Variants in DOCK3 observed in about 807,000 individuals in gnomAD.
DOCK3 encodes the protein dedicator of cytokinesis protein 3.
A neutral mutation model predicts 265.6 loss-of-function variants in DOCK3; 60 were observed. The ratio of observed to expected loss-of-function variants is 0.23; its 90% CI spans 0.18 to 0.28. The LOEUF (loss-of-function observed/expected upper bound fraction) is 0.28, where lower values mean the gene tolerates loss of function less well. DOCK3 is among the 10% of genes least tolerant of loss of function. The pLI, the probability that DOCK3 is intolerant of heterozygous loss-of-function variation, is 1.00. For synonymous variants in DOCK3, 881 were observed against 938.0 expected (o/e 0.94, Z 1.11); for missense variants, 1,981 against 2,594.3 (o/e 0.76, Z 5.14).
At chr3:51,248,447 G>A (rs1311605733) in intron 22 of DOCK3, among the ~76,000 whole-genome samples, 5 of 152,298 alleles carry the variant, frequency 3.3e-5, no homozygotes, top group Middle Eastern at 3.4e-3. Context: ...CACCAGCCTC[G>A]GCCTCCTGAG....
At chr3:51,334,737 T>A (rs2084752497) in intron 35 of DOCK3, among the ~76,000 whole-genome samples, 1 of 152,118 alleles carries the variant, frequency 6.6e-6, no homozygotes, top group African/African-American at 2.4e-5. Context: ...CCTCCCCCTT[T>A]CCAAAACATT....
At chr3:51,067,427 T>TTGTGTGTGTG (rs60551624) in intron 6 of DOCK3, among the ~76,000 whole-genome samples, 44,932 of 143,954 alleles carry the variant, frequency 0.31, 7,781 homozygotes, top group South Asian at 0.49. Flanking sequence ...TGAAATATGT[T>TTGTGTGTGTG]TGTGTGTGTG....
intron 27 of DOCK3, among the ~76,000 whole-genome samples, chr3:51,298,583 C>T (rs2082222648): frequency 6.6e-6 from 1 of 152,104 alleles, no homozygotes. Context: ...ATCCCCAACG[C>T]CCCAGTCTAT....
At chr3:51,197,998 C>A (rs1271602779) in intron 12 of DOCK3, among the ~76,000 whole-genome samples, 1 of 152,216 alleles carries the variant, frequency 6.6e-6, no homozygotes, top group Non-Finnish European at 1.5e-5. Context: ...AACAGCTTCA[C>A]CCCATGCCTT....
At chr3:51,028,909 C>G (rs560942067) in intron 5 of DOCK3, among the ~76,000 whole-genome samples, 1 of 152,076 alleles carries the variant, frequency 6.6e-6, no homozygotes, top group Non-Finnish European at 1.5e-5. Flanking sequence ...ATTGTCATTT[C>G]AGACATTTTA....
At chr3:50,934,155 G>A (rs1281105407) in intron 5 of DOCK3, 78 bp downstream of exon 5, 41 of 980,500 alleles carry the variant, frequency 4.2e-5, no homozygotes, top group Non-Finnish European at 5.8e-5. Flanking sequence ...TGCTAAGTAT[G>A]CATTTTAGAT....
chr3:50,856,633 C>T (rs1376392672), intron 3 of DOCK3, among the ~76,000 whole-genome samples: 1 of 151,950 alleles, frequency 6.6e-6, no homozygotes, highest in African/African-American at 2.4e-5. Context: ...TGTAGGTTGT[C>T]TGTTTATTCT....
At chr3:51,315,599 C>T (rs2083319465) in intron 32 of DOCK3, among the ~76,000 whole-genome samples, 1 of 152,138 alleles carries the variant, frequency 6.6e-6, no homozygotes, top group African/African-American at 2.4e-5. Context: ...TGAATGGCTT[C>T]AGGCTGTCCT....
chr3:51,026,239 G>GTT (rs1025505699), intron 5 of DOCK3, among the ~76,000 whole-genome samples: 1 of 151,084 alleles, frequency 6.6e-6, no homozygotes, highest in African/African-American at 2.4e-5. Flanking sequence ...ATGGTCATAT[G>GTT]TTTTTTTTTG....
chr3:51,313,422 G>A (rs2083204523), intron 31 of DOCK3, among the ~76,000 whole-genome samples: 4 of 152,344 alleles, frequency 2.6e-5, no homozygotes, highest in Admixed American at 2.0e-4. Flanking sequence ...ACCTCTGGGT[G>A]AGATCAGTTT....
At chr3:51,038,491 C>T (rs904457769) in intron 5 of DOCK3, among the ~76,000 whole-genome samples, 13 of 152,292 alleles carry the variant, frequency 8.5e-5, no homozygotes, top group African/African-American at 3.1e-4. Flanking sequence ...ATCAGACCAT[C>T]ACACTGTGAC....
At chr3:51,293,681 A>T (rs966092993) in intron 27 of DOCK3, among the ~76,000 whole-genome samples, 7 of 152,214 alleles carry the variant, frequency 4.6e-5, no homozygotes, top group Non-Finnish European at 1.0e-4. Flanking sequence ...ACACCTACAG[A>T]TTGGGAGAAA....
chr3:50,783,480 A>G (rs1246562658), intron 2 of DOCK3, among the ~76,000 whole-genome samples: 2 of 152,118 alleles, frequency 1.3e-5, no homozygotes, highest in African/African-American at 2.4e-5. Flanking sequence ...TCTCCTTGAG[A>G]AGATTCTCAA....
intron 3 of DOCK3, among the ~76,000 whole-genome samples, chr3:50,872,002 G>A (rs1401320377): frequency 6.6e-6 from 1 of 152,200 alleles, no homozygotes; most frequent in Non-Finnish European, 1.5e-5. Context: ...CTGTCTGAAA[G>A]ATCATATATC....
At chr3:51,285,850 G>A (rs374688854) in intron 27 of DOCK3, among the ~76,000 whole-genome samples, 62 of 152,140 alleles carry the variant, frequency 4.1e-4, no homozygotes, top group Admixed American at 1.2e-3. Flanking sequence ...CAGGAGAATC[G>A]CTTGAACCCA....
At chr3:50,894,384 T>A (rs1169741865) in intron 4 of DOCK3, among the ~76,000 whole-genome samples, 1 of 151,888 alleles carries the variant, frequency 6.6e-6, no homozygotes, top group African/African-American at 2.4e-5. Flanking sequence ...CCTTCAGAAA[T>A]GAAGTAGAGA....
At chr3:51,351,784 G>A (rs1371003525) in intron 40 of DOCK3, among the ~76,000 whole-genome samples, 1 of 151,932 alleles carries the variant, frequency 6.6e-6, no homozygotes, top group African/African-American at 2.4e-5. Flanking sequence ...AGCCTCCCGA[G>A]TGGCTGGGAT....
At chr3:51,192,527 G>A (rs2088007130) in intron 12 of DOCK3, among the ~76,000 whole-genome samples, 1 of 152,002 alleles carries the variant, frequency 6.6e-6, no homozygotes, top group Non-Finnish European at 1.5e-5. Flanking sequence ...GAATAAAAAA[G>A]TAGGAGCAGC....
chr3:51,271,141 C>A, intron 24 of DOCK3, 134 bp downstream of exon 24: 1 of 1,062,026 alleles, frequency 9.4e-7, no homozygotes, highest in Non-Finnish European at 1.4e-6. Flanking sequence ...CCTTAAGATA[C>A]AGAATTTTTT....
Sources: allele counts gnomAD v4.1 joint callset (sites outside exome capture counted in the v4.1 genomes callset), GRCh38; gene constraint gnomAD v4.1.1; transcripts MANE v1.5; gene names NCBI Gene and HGNC (gene_info 2026-07-23, HGNC 2026-07-21).